Variants in KPNA7 observed in about 807,000 individuals in gnomAD.
KPNA7 encodes importin subunit alpha-8.
KPNA7 carries 54 observed loss-of-function variants against 53.7 expected under a neutral mutation model. The observed-to-expected ratio is 1.01, with a 90% CI of 0.81 to 1.26. The LOEUF (loss-of-function observed/expected upper bound fraction) is 1.26. Ranked by LOEUF, KPNA7 falls within the 50% of genes most tolerant of loss-of-function variation. The pLI, the probability that KPNA7 is intolerant of heterozygous loss-of-function variation, is 0.00. For missense variants in KPNA7, 640 were observed against 644.5 expected (o/e 0.99, Z 0.07); for synonymous variants, 276 against 259.3 (o/e 1.06, Z -0.62).
intron 10 of KPNA7, among the ~76,000 whole-genome samples, chr7:99,177,412 G>C (rs975458410): frequency 1.7e-4 from 26 of 151,922 alleles, no homozygotes; most frequent in African/African-American, 6.1e-4. Flanking sequence ...GGGAAACCCT[G>C]TCTCTACTAA....
At chr7:99,146,281 T>C in the KPNA7 span, among the ~76,000 whole-genome samples, 1 of 152,210 alleles carries the variant, frequency 6.6e-6, no homozygotes, top group African/African-American at 2.4e-5. Flanking sequence ...GACTGTTTCC[T>C]TAATCTTTGA....
At position 99,185,141 on chromosome 7, in the gene KPNA7, C is replaced by T; in HGVS notation, c.922G>A (p.Gly308Arg). The change falls in exon 8 of 11, where the codon GGG becomes AGG. Residue 308 changes from glycine (G) to arginine (R), a missense_variant. Physicochemically the swap from Gly to Arg is moderately radical, Grantham distance 125. Transcript: ENST00000327442. ...TCATCTGTGCCCGTGACAATGTTCC[C>T]CACGGTGCGGAGAGAAGGAGTCTGG... ...NVLTPSLRTV[G>R]NIVTGTDEQT... is the part of the protein sequence containing the mutation. 6.4e-7 allele frequency: 1 copy of T among 1,552,026 alleles called. No homozygotes were observed. Among genetic ancestry groups the T allele is most frequent in the Non-Finnish European group, 8.7e-7 (1 of 1,147,024 alleles).
chr7:99,201,171 A>G (rs566008296), intron 3 of KPNA7, among the ~76,000 whole-genome samples: 7 of 152,254 alleles, frequency 4.6e-5, no homozygotes, highest in African/African-American at 1.7e-4. Flanking sequence ...CAGAAAGTAG[A>G]CTAGTGTTTG....
At chr7:99,168,671 T>C (rs972744799), downstream of KPNA7, among the ~76,000 whole-genome samples, 58 of 152,028 alleles carry the variant, frequency 3.8e-4, no homozygotes, top group African/African-American at 1.4e-3. Flanking sequence ...GCTAATTTTT[T>C]TAAATTTGTA....
chr7:99,157,784 TTTTG>T, the KPNA7 span, among the ~76,000 whole-genome samples: 1 of 152,140 alleles, frequency 6.6e-6, no homozygotes, highest in Non-Finnish European at 1.5e-5. Context: ...TAGATGTAAC[TTTTG>T]TTTTTTGATA....
At chr7:99,154,372 G>T in the KPNA7 span, among the ~76,000 whole-genome samples, 1 of 151,784 alleles carries the variant, frequency 6.6e-6, no homozygotes, top group Non-Finnish European at 1.5e-5. Context: ...CAAGCAATCC[G>T]CCCACCTTGG....
At chr7:99,171,692 C>T (rs751716485), downstream of KPNA7, among the ~76,000 whole-genome samples, 2 of 152,094 alleles carry the variant, frequency 1.3e-5, no homozygotes, top group Non-Finnish European at 2.9e-5. Context: ...GCAAGGCTGC[C>T]CTGAGCTGAG....
At chr7:99,180,525 A>G (rs868053020) in intron 9 of KPNA7, among the ~76,000 whole-genome samples, 17 of 111,052 alleles carry the variant, frequency 1.5e-4, no homozygotes, top group South Asian at 7.0e-4. Flanking sequence ...CTGTGTCTCT[A>G]TCTCTCTGTC....
In KPNA7 at chr7:99,180,742, C is replaced by CGTCT. The variant is rs1554461721; in HGVS notation, c.1317+1140_1317+1141insAGAC. On this transcript the variant is annotated intron_variant, in intron 9 of 10. Coordinates refer to ENST00000327442, the MANE Select transcript of KPNA7 (RefSeq NM_001145715.3). ...CTCCGTCTGTGTCTCTCTCTCTCCC[C>CGTCT]GTGTCTCTCTCTCTCTCCCCGTCTG... Among the ~76,000 whole-genome samples, 19 of 29,666 alleles carry CGTCT rather than the reference C, an allele frequency of 6.4e-4. 3 individuals are homozygous for CGTCT. The highest frequency in any genetic ancestry group is 2.5e-3 in the African/African-American group (15 of 6,088). 19.5% of individuals were successfully genotyped at this position (29,666 alleles called of 152,430 possible).
chr7:99,176,584 A>C (rs1316193398), intron 10 of KPNA7, among the ~76,000 whole-genome samples: 1 of 152,180 alleles, frequency 6.6e-6, no homozygotes, highest in African/African-American at 2.4e-5. Context: ...TATATACTCC[A>C]AAGAATTGGG....
chr7:99,199,065 GAAAAA>G (rs67877761), intron 3 of KPNA7, among the ~76,000 whole-genome samples: 76 of 61,134 alleles, frequency 1.2e-3, no homozygotes, highest in African/African-American at 3.1e-3. Flanking sequence ...GCTGCAAACT[GAAAAA>G]AAAAAAAAAA....
chr7:99,196,085 T>C lies in KPNA7; in HGVS notation c.283A>G (p.Arg95Gly). Residue 95 changes from arginine to glycine, a missense_variant and splice_region_variant, in exon 4 of 11, where the codon AGG becomes GGG. Physicochemically the swap from Arg to Gly is moderately radical, Grantham distance 125 (BLOSUM62 -2). Coordinates refer to ENST00000327442, the MANE Select transcript of KPNA7 (RefSeq NM_001145715.3). ...VLCFQATQTA[R>G]KMLSQEKNPP... Reference sequence around the variant, plus strand: ...CAGCAGAAGTCTGTTTGGAGATACCTGGCTGTCTGGGTGGCCTGGAAACAT... The same window carrying C: ...CAGCAGAAGTCTGTTTGGAGATACCCGGCTGTCTGGGTGGCCTGGAAACAT... 6.4e-7 allele frequency: 1 copy of C among 1,551,226 alleles called. No individual in the cohort carries two copies.
At chr7:99,209,695 A>AT (rs1332204207), upstream of KPNA7, among the ~76,000 whole-genome samples, 1,103 of 130,678 alleles carry the variant, frequency 8.4e-3, 15 homozygotes, top group African/African-American at 0.031. Flanking sequence ...AAAAAAAAAA[A>AT]AAAAAAAAAA....
intron 7 of KPNA7, among the ~76,000 whole-genome samples, chr7:99,186,470 C>T (rs1789598250): frequency 6.6e-6 from 1 of 152,170 alleles, no homozygotes; most frequent in South Asian, 2.1e-4. Context: ...CGGGGGTAAG[C>T]AACTTCTTAG....
At chr7:99,195,385 A>T (rs1790177193) in intron 4 of KPNA7, 47 bp from the exon 5 acceptor site, 1 of 1,521,700 alleles carries the variant, frequency 6.6e-7, no homozygotes, top group South Asian at 1.2e-5. Flanking sequence ...CAAGTGAGAG[A>T]GGTATTAAGG....
upstream of KPNA7, among the ~76,000 whole-genome samples, chr7:99,211,413 C>T (rs972220041): frequency 6.6e-6 from 1 of 152,096 alleles, no homozygotes; most frequent in African/African-American, 2.4e-5. Flanking sequence ...CAGAGTGAGA[C>T]TCTGTCTCAA....
At chr7:99,203,695 T>C (rs953723092) in intron 2 of KPNA7, among the ~76,000 whole-genome samples, 5 of 151,944 alleles carry the variant, frequency 3.3e-5, no homozygotes, top group African/African-American at 1.2e-4. Context: ...TTCCACTATA[T>C]TTATATATAT....
downstream of KPNA7, among the ~76,000 whole-genome samples, chr7:99,170,597 C>A (rs1168479994): frequency 6.6e-6 from 1 of 152,138 alleles, no homozygotes; most frequent in Non-Finnish European, 1.5e-5. Flanking sequence ...CCACCTCAGC[C>A]TCCCAAAGTG....
intron 8 of KPNA7, among the ~76,000 whole-genome samples, chr7:99,182,697 G>A (rs542881961): frequency 6.6e-6 from 1 of 152,300 alleles, no homozygotes; most frequent in East Asian, 1.9e-4. Context: ...GGAGACTCAG[G>A]TGGGGTCTTA....
Sources: allele counts gnomAD v4.1 joint callset (sites outside exome capture counted in the v4.1 genomes callset), GRCh38; gene constraint gnomAD v4.1.1; transcripts MANE v1.5; gene names NCBI Gene and HGNC (gene_info 2026-07-23, HGNC 2026-07-21).